RLF: variants seen among roughly 807,000 people sequenced by gnomAD.
RLF encodes the protein RLF zinc finger.
A neutral mutation model predicts 162.9 loss-of-function variants in RLF; 7 were observed. The ratio of observed to expected loss-of-function variants is 0.04; its 90% CI spans 0.02 to 0.08. RLF has a LOEUF of 0.08. RLF is among the 10% of genes least tolerant of loss of function. RLF has a pLI of 1.00. For synonymous variants in RLF, 782 were observed against 791.5 expected (o/e 0.99, Z 0.20); for missense variants, 1,664 against 2,244.7 (o/e 0.74, Z 5.23).
intron 3 of RLF, among the ~76,000 whole-genome samples, chr1:40,191,662 AG>A (rs1316684263): frequency 6.6e-6 from 1 of 152,184 alleles, no homozygotes; most frequent in Non-Finnish European, 1.5e-5. Flanking sequence ...GGCTGCAGTG[AG>A]ATATGATCAC....
At chr1:40,214,834 G>T (rs563692122) in intron 5 of RLF, among the ~76,000 whole-genome samples, 3 of 137,048 alleles carry the variant, frequency 2.2e-5, no homozygotes, top group South Asian at 4.8e-4. Flanking sequence ...GAGGTGGGAG[G>T]ATCACTTGAG....
At chr1:40,211,540 T>G (rs1406216868) in intron 5 of RLF, among the ~76,000 whole-genome samples, 3 of 152,204 alleles carry the variant, frequency 2.0e-5, no homozygotes, top group Non-Finnish European at 4.4e-5. Context: ...TGCAAAACAT[T>G]TAGTACACAT....
At chr1:40,178,151 T>G (rs1447390667) in intron 1 of RLF, among the ~76,000 whole-genome samples, 1 of 152,116 alleles carries the variant, frequency 6.6e-6, no homozygotes, top group Non-Finnish European at 1.5e-5. Flanking sequence ...GTGATTTTTT[T>G]TAAAGTTGCA....
At chr1:40,191,410 C>T (rs151136380) in intron 3 of RLF, among the ~76,000 whole-genome samples, 7 of 152,042 alleles carry the variant, frequency 4.6e-5, no homozygotes, top group Non-Finnish European at 8.8e-5. Context: ...TGGTGGCGGA[C>T]ACCTGTAATC....
chr1:40,205,949 A>G (rs1426038233), intron 5 of RLF, among the ~76,000 whole-genome samples: 4 of 152,142 alleles, frequency 2.6e-5, no homozygotes, highest in Non-Finnish European at 2.9e-5. Flanking sequence ...GCAGTACCCA[A>G]TGACTCTGTC....
rs1365205804 is a variant in RLF at position 40,161,997 on chromosome 1, G to A, written c.237+361G>A. On this transcript the variant is annotated intron_variant, in intron 1 of 7. Transcript: ENST00000372771. The surrounding 1 kb of genome is among the most constrained non-coding windows in gnomAD (Gnocchi z 4.4). ...CCTGCCGGGAGATCCTTTTTTGAGT[G>A]GAGTGCAGATCTCCGAACTGGTAAA... 6.6e-6 allele frequency among the ~76,000 whole-genome samples: 1 copy of A among 152,178 alleles called. No individual in the cohort carries two copies. The highest frequency in any genetic ancestry group is 1.5e-5 in the Non-Finnish European group (1 of 68,028).
chr1:40,176,267 G>C lies in RLF; in HGVS notation c.238-12788G>C, dbSNP rs144139345. Among the ~76,000 whole-genome samples, 10 of 152,322 alleles carry C rather than the reference G, an allele frequency of 6.6e-5. No individual in the cohort carries two copies. In the East Asian group the frequency reaches 1.9e-3, roughly 29 times the overall value. ...TTTCTTTTGGGTAAACACCTAGGTG[G>C]AATGGCTGGGTCAGATGACAGGTTT... On this transcript the variant is annotated intron_variant, in intron 1 of 7. Transcript: ENST00000372771.
chr1:40,222,764 A>G, intron 6 of RLF, 54 bp downstream of exon 6: 1 of 1,479,688 alleles, frequency 6.8e-7, no homozygotes, highest in Non-Finnish European at 9.3e-7. Flanking sequence ...TATAGCATTT[A>G]GGGTTTATGT....
chr1:40,195,512 C>G (rs1047746439), intron 3 of RLF, 120 bp from the exon 4 acceptor site: 3 of 738,400 alleles, frequency 4.1e-6, no homozygotes, highest in African/African-American at 3.7e-5. Context: ...TTTTTGGTTA[C>G]TTATTTTCAG....
At chr1:40,187,816 G>A (rs1338873556) in intron 1 of RLF, among the ~76,000 whole-genome samples, 3 of 152,144 alleles carry the variant, frequency 2.0e-5, no homozygotes, top group Non-Finnish European at 4.4e-5. Flanking sequence ...AGAAAATCCA[G>A]CAGAATCCTG....
intron 6 of RLF, 172 bp from the exon 7 acceptor site, chr1:40,231,344 CT>C: frequency 3.7e-6 from 2 of 535,310 alleles, no homozygotes; most frequent in Non-Finnish European, 3.3e-6. Context: ...ACGGAGGATT[CT>C]TAACAATTTT....
chr1:40,230,681 C>A (rs1215368833), intron 6 of RLF, among the ~76,000 whole-genome samples: 4 of 152,144 alleles, frequency 2.6e-5, no homozygotes, highest in Admixed American at 1.3e-4. Flanking sequence ...GATCTGCCCC[C>A]CTTCACCTCC....
intron 1 of RLF, among the ~76,000 whole-genome samples, chr1:40,169,803 C>T (rs1642218288): frequency 6.6e-6 from 1 of 150,824 alleles, no homozygotes; most frequent in South Asian, 2.1e-4. Context: ...AGTGATTCTC[C>T]TGCCTCAGCC....
intron 2 of RLF, among the ~76,000 whole-genome samples, chr1:40,190,020 GT>G (rs972093388): frequency 6.6e-6 from 1 of 151,990 alleles, no homozygotes; most frequent in Non-Finnish European, 1.5e-5. Context: ...AGCCTCACCT[GT>G]TTTCCTTCCT....
At position 40,239,030 on chromosome 1, in the gene RLF, A is replaced by C. The variant is rs1233465401; in HGVS notation, c.4328A>C (p.Glu1443Ala). The C allele has an allele frequency of 1.2e-6, 2 of 1,614,210 alleles. No individual in the cohort carries two copies. Among genetic ancestry groups the C allele is most frequent in the Admixed American group, 1.7e-5 (1 of 60,032 alleles). ...GAAGGGGAAATACATTCAGATTATG[A>C]AATTCATTGTGATCTTAATGGCTGT... ...NIEGEIHSDY[E>A]IHCDLNGCGQ... The change falls in exon 8 of 8, where the codon GAA becomes GCA. Residue 1443 changes from glutamate (E) to alanine (A), a missense_variant. By Grantham distance (107) the Glu-to-Ala change is moderately radical. Coordinates refer to ENST00000372771, the MANE Select transcript of RLF (RefSeq NM_012421.4).
chr1:40,221,727 C>A (rs562540163), intron 5 of RLF, among the ~76,000 whole-genome samples: 2 of 151,530 alleles, frequency 1.3e-5, no homozygotes, highest in Non-Finnish European at 2.9e-5. Flanking sequence ...AGTGAAACCC[C>A]GTCTCTACTA....
chr1:40,227,958 G>A (rs549022998), intron 6 of RLF, among the ~76,000 whole-genome samples: 2 of 149,296 alleles, frequency 1.3e-5, no homozygotes, highest in South Asian at 2.1e-4. Context: ...AGCCGATATC[G>A]CACCACTGCA....
In RLF at chr1:40,165,062, T is replaced by A. The variant is rs553122611; in HGVS notation, c.237+3426T>A. Among the ~76,000 whole-genome samples, 30 of 152,336 alleles carry A rather than the reference T, an allele frequency of 2.0e-4. No homozygotes were observed. The South Asian group carries it at 6.0e-3, about 30-fold the overall frequency. ...TCTTTTGCAAATGGATAATAGTACT[T>A]AAGTTTTGTAAGCAAATTCATTGTT... On this transcript the variant is annotated intron_variant, in intron 1 of 7. Coordinates refer to ENST00000372771, the MANE Select transcript of RLF (RefSeq NM_012421.4).
intron 1 of RLF, among the ~76,000 whole-genome samples, chr1:40,179,568 T>G (rs891588298): frequency 6.6e-6 from 1 of 152,112 alleles, no homozygotes; most frequent in African/African-American, 2.4e-5. Flanking sequence ...TTTGGTACTT[T>G]TATTGTGGTA....
Sources: allele counts gnomAD v4.1 joint callset (sites outside exome capture counted in the v4.1 genomes callset), GRCh38; gene constraint gnomAD v4.1.1; non-coding constraint Gnocchi (gnomAD v3.1); transcripts MANE v1.5; gene names NCBI Gene and HGNC (gene_info 2026-07-23, HGNC 2026-07-21).